HERC1: variants seen among roughly 807,000 people sequenced by gnomAD.
HERC1 encodes HECT and RLD domain containing E3 ubiquitin protein ligase family member 1, also known as probable E3 ubiquitin-protein ligase HERC1.
HERC1 carries 160 observed loss-of-function variants against 554.3 expected under a neutral mutation model. The observed-to-expected ratio is 0.29, with a 90% CI of 0.25 to 0.33. The LOEUF (loss-of-function observed/expected upper bound fraction) is 0.33, where lower values mean the gene tolerates loss of function less well. Among genes scored for constraint, HERC1 ranks in the 10% least tolerant of loss-of-function variants. The pLI is 1.00. For synonymous variants in HERC1, 2,175 were observed against 2,131.7 expected, an observed-to-expected ratio of 1.02 and a Z score of -0.56; for missense variants, 4,919 against 5,918.5, an observed-to-expected ratio of 0.83 and a Z score of 5.54.
At chr15:63,702,877 G>A (rs922953960) in intron 25 of HERC1, among the ~76,000 whole-genome samples, 1 of 152,132 alleles carries the variant, frequency 6.6e-6, no homozygotes, top group South Asian at 2.1e-4. Context: ...AGACCAAGGT[G>A]GGGGGATCAC....
At chr15:63,811,848 G>A (rs1307919417) in intron 1 of HERC1, among the ~76,000 whole-genome samples, 1 of 151,074 alleles carries the variant, frequency 6.6e-6, no homozygotes, top group African/African-American at 2.4e-5. Flanking sequence ...AAAAACAAAG[G>A]TTATCTTTGA....
At chr15:63,698,688 T>C in intron 26 of HERC1, 40 bp downstream of exon 26, 1 of 1,570,342 alleles carries the variant, frequency 6.4e-7, no homozygotes. Flanking sequence ...CAGTTTTAAG[T>C]TTCCAGAGCT....
chr15:63,712,500 G>A (rs554041841), intron 24 of HERC1, among the ~76,000 whole-genome samples: 1 of 152,328 alleles, frequency 6.6e-6, no homozygotes, highest in Non-Finnish European at 1.5e-5. Context: ...CTTGTAGATA[G>A]GTTAAGATTG....
intron 1 of HERC1, among the ~76,000 whole-genome samples, chr15:63,795,065 C>CAAAAAAAA (rs1177647525): frequency 7.6e-4 from 52 of 68,796 alleles, no homozygotes; most frequent in African/African-American, 1.0e-3. Context: ...GACTCTGTCT[C>CAAAAAAAA]AAAAAAAAAA....
rs760599226 is a variant in HERC1, at chr15:63,718,665, A to G, written c.3887T>C (p.Val1296Ala). Residue 1296 changes from valine (V) to alanine (A), a missense_variant, in exon 21 of 78, where the codon GTG becomes GCG. Physicochemically the swap from Val to Ala is moderately conservative, Grantham distance 64 (BLOSUM62 0). Around this residue, in one of 11 missense-constraint regions of HERC1, gnomAD observed 1,121 missense variants for 1,244.0 expected, o/e 0.90. Transcript: ENST00000443617. This position sits in a 1 kb window ranked among gnomAD's most constrained non-coding sequence, Gnocchi z 4.2. ...TCGAACTTTGTATACACAACGGTAC[A>G]CTTCTGATAAGTGTTTACCAGGTTG... The part of the protein sequence containing the change: ...RYQPGKHLSE[V>A]YRCVYKVRSR... 14 of 1,602,016 alleles carry G rather than the reference A, an allele frequency of 8.7e-6. No homozygotes were observed. The Admixed American group carries it at 2.1e-4, about 24-fold the overall frequency.
At chr15:63,709,202 T>G (rs1045967391) in intron 24 of HERC1, among the ~76,000 whole-genome samples, 1 of 151,934 alleles carries the variant, frequency 6.6e-6, no homozygotes, top group Admixed American at 6.6e-5. Flanking sequence ...TTTGGCATGT[T>G]CCCAGGCTGG....
rs2070989956 is a variant in HERC1 at position 63,672,576 on chromosome 15, T to C, written c.7965A>G (p.Thr2655=). 6.2e-7 allele frequency: 1 copy of C among 1,611,416 alleles called. No individual in the cohort carries two copies. ...SFMSSSLEDT[T]TATTPVTDTE... ...TGTCAGTGACTGGAGTGGTGGCAGT[T>C]GTGGTGTCCTCCAGAGAGCTGCTCA... The change falls in exon 39 of 78, where the codon ACA becomes ACG. Residue 2655 remains threonine, a synonymous_variant. Transcript: ENST00000443617.
rs139898201 is a variant in HERC1 at position 63,750,481 on chromosome 15, T to C, written c.1903-690A>G. 3.1e-3 allele frequency among the ~76,000 whole-genome samples: 477 copies of C among 152,214 alleles called. 4 individuals are homozygous for C. The highest frequency in any genetic ancestry group is 6.8e-3 in the Middle Eastern group (2 of 294). ...CCCAAAATCAACAAAATCAAAACAA[T>C]CAGCAATCTGAATGATTTTTTTTCT... On this transcript the variant is annotated intron_variant, in intron 8 of 77. Transcript: ENST00000443617.
chr15:63,774,331 A>G (rs939147566), intron 2 of HERC1, among the ~76,000 whole-genome samples: 4 of 152,242 alleles, frequency 2.6e-5, no homozygotes, highest in Non-Finnish European at 4.4e-5. Context: ...TGTTTAACAT[A>G]AATTGGGAAA....
At chr15:63,681,330 T>G (rs963848050) in intron 34 of HERC1, among the ~76,000 whole-genome samples, 1 of 152,090 alleles carries the variant, frequency 6.6e-6, no homozygotes, top group Non-Finnish European at 1.5e-5. Flanking sequence ...GTCTCCTGAG[T>G]AACTAGGACT....
Position 63,829,579 on chromosome 15 carries a change from A to G in HERC1, c.-27+4248T>C, listed in dbSNP as rs1158751039. On this transcript the variant is annotated intron_variant, in intron 1 of 77. Transcript: ENST00000443617. ...TGTGTGTGTATATATATATATATAT[A>G]TATATATATATATATAATATACTGA... Among the ~76,000 whole-genome samples, 395 of 140,608 alleles carry G rather than the reference A, an allele frequency of 2.8e-3. 7 individuals carry two copies. The highest frequency in any genetic ancestry group is 0.016 in the South Asian group (72 of 4,480). 92.2% of individuals were successfully genotyped at this position (140,608 alleles called of 152,430 possible). A position where few individuals can be genotyped will look rare whatever the true frequency, so the allele number is the denominator to read the frequency against.
intron 1 of HERC1, among the ~76,000 whole-genome samples, chr15:63,825,818 T>G (rs1378907517): frequency 1.3e-5 from 2 of 152,034 alleles, no homozygotes; most frequent in African/African-American, 4.8e-5. Context: ...AGGCTGAGTA[T>G]AGCGGTGGGT....
chr15:63,764,206 T>C lies in HERC1; in HGVS notation c.931-15A>G. ...GCAGATGAACCCTATAATTAAAACA[T>C]TGCGGGACACAGCGTAGGAAGGGGA... is the stretch of plus-strand genomic sequence containing the variant. On this transcript the variant is annotated splice_polypyrimidine_tract_variant and intron_variant, in intron 2 of 77. Coordinates refer to ENST00000443617, the MANE Select transcript of HERC1 (RefSeq NM_003922.4). 1 of 1,565,596 alleles carries C rather than the reference T, an allele frequency of 6.4e-7. No individual in the cohort carries two copies. Among genetic ancestry groups the C allele is most frequent in the Non-Finnish European group, 8.8e-7 (1 of 1,141,202 alleles).
In HERC1 at chr15:63,624,239, G is replaced by A. The variant is rs2068205284; in HGVS notation, c.13364C>T (p.Pro4455Leu). 1.2e-6 allele frequency: 2 copies of A among 1,613,832 alleles called. No individual in the cohort carries two copies. The highest frequency in any genetic ancestry group is 2.7e-5 in the African/African-American group (2 of 75,026). The change falls in exon 72 of 78, where the codon CCA becomes CTA. Residue 4455 changes from proline (P) to leucine (L), a missense_variant. Transcript: ENST00000443617. Reference protein sequence around the residue: ...PLLAPRVYTLPMVRSIGKTMV... With the variant: ...PLLAPRVYTLLMVRSIGKTMV... Reference sequence around the variant, plus strand: ...GGTTTTTCCTATGGAGCGCACCATTGGCAGAGTGTAGACTCTTGGGGCTAA... The same window carrying A: ...GGTTTTTCCTATGGAGCGCACCATTAGCAGAGTGTAGACTCTTGGGGCTAA...
chr15:63,624,035 T>C (rs1158905223), intron 72 of HERC1, 123 bp downstream of exon 72: 5 of 1,228,036 alleles, frequency 4.1e-6, no homozygotes, highest in Non-Finnish European at 5.8e-6. Flanking sequence ...CAGGTACTAA[T>C]GTAAGTACTA....
intron 55 of HERC1, 116 bp downstream of exon 55, chr15:63,647,953 A>G (rs1171611372): frequency 8.8e-6 from 7 of 793,768 alleles, no homozygotes; most frequent in African/African-American, 1.7e-5. Context: ...GGTACAATGT[A>G]TGTCATTTGG....
chr15:63,619,972 GT>G (rs1045991651), intron 74 of HERC1, among the ~76,000 whole-genome samples: 2 of 152,062 alleles, frequency 1.3e-5, no homozygotes, highest in African/African-American at 4.8e-5. Context: ...TTTTTTGAAG[GT>G]TTTTTGTGTC....
At chr15:63,708,112 AT>A (rs1239832703) in intron 24 of HERC1, among the ~76,000 whole-genome samples, 1 of 152,082 alleles carries the variant, frequency 6.6e-6, no homozygotes, top group Non-Finnish European at 1.5e-5. Flanking sequence ...TTCTTGGACC[AT>A]TTGGTGCTGG....
chr15:63,620,569 G>A (rs1274540795), intron 74 of HERC1, among the ~76,000 whole-genome samples: 1 of 152,128 alleles, frequency 6.6e-6, no homozygotes, highest in African/African-American at 2.4e-5. Flanking sequence ...CTATCTCGTT[G>A]ATCTGTCTAA....
Sources: gnomAD v4.1 joint callset for allele counts (sites outside exome capture counted in the v4.1 genomes callset) on GRCh38, gnomAD v4.1.1 for gene constraint, gnomAD v4.1.1 regional missense constraint, Gnocchi (gnomAD v3.1) non-coding constraint, MANE v1.5 for transcripts, NCBI Gene and HGNC (gene_info 2026-07-23, HGNC 2026-07-21) for gene names.